PARD3B: variants seen among roughly 807,000 people sequenced by gnomAD.
PARD3B encodes the protein partitioning defective 3 homolog B.
A neutral mutation model predicts 130.2 loss-of-function variants in PARD3B; 103 were observed. The ratio of observed to expected loss-of-function variants is 0.79; its 90% confidence interval spans 0.67 to 0.93. The LOEUF is 0.93. PARD3B is among the 40% of genes least tolerant of loss of function. The probability of loss-of-function intolerance (pLI) is 0.00; values close to 1 mark genes in which losing one functional copy is unlikely to be tolerated. For missense variants in PARD3B, 1,609 were observed against 1,499.2 expected, an observed-to-expected ratio of 1.07 and a Z score of -1.21; for synonymous variants, 583 against 553.2, an observed-to-expected ratio of 1.05 and a Z score of -0.76.
intron 13 of PARD3B, among the ~76,000 whole-genome samples, chr2:205,177,377 T>C (rs2035532212): frequency 6.6e-6 from 1 of 152,178 alleles, no homozygotes; most frequent in African/African-American, 2.4e-5. Flanking sequence ...TTAATGAAAA[T>C]ATTTTATACA....
rs2031055996 is a variant in PARD3B at position 205,123,807 on chromosome 2, CTGAG to C, written c.1166-516_1166-513del. On this transcript the variant is annotated intron_variant, in intron 8 of 22. Coordinates refer to ENST00000406610, the MANE Select transcript of PARD3B (RefSeq NM_001302769.2). ...AGAGAAATCTGAGCATACCTTTAGA[CTGAG>C]TGAAAAATACATGAGAAGGGAGAAA... Among the ~76,000 whole-genome samples the C allele has an allele frequency of 2.0e-5, 3 of 152,020 alleles. No individual in the cohort carries two copies. The South Asian group carries it at 6.2e-4, about 32-fold the overall frequency.
At chr2:204,701,772 A>G (rs187983900) in intron 2 of PARD3B, among the ~76,000 whole-genome samples, 9 of 152,096 alleles carry the variant, frequency 5.9e-5, no homozygotes, top group Admixed American at 3.3e-4. Context: ...TTCAGGGGGT[A>G]CATGTACGGG....
chr2:204,604,261 T>C (rs933010377), intron 1 of PARD3B, among the ~76,000 whole-genome samples: 2 of 152,150 alleles, frequency 1.3e-5, no homozygotes, highest in African/African-American at 4.8e-5. Flanking sequence ...CCATGCTTTG[T>C]TAGAGAAGGA....
chr2:204,772,386 GA>G (rs2041423454), intron 2 of PARD3B, among the ~76,000 whole-genome samples: 2 of 151,956 alleles, frequency 1.3e-5, no homozygotes, highest in Non-Finnish European at 2.9e-5. Context: ...TCAGAGTTTG[GA>G]AAAAAGTCTA....
chr2:205,294,362 C>T (rs1478270609), intron 16 of PARD3B, among the ~76,000 whole-genome samples: 3 of 151,946 alleles, frequency 2.0e-5, no homozygotes, highest in Non-Finnish European at 4.4e-5. Context: ...ACAAAAATGT[C>T]AGAATATTTT....
At chr2:204,852,655 G>A (rs1200522647) in intron 2 of PARD3B, among the ~76,000 whole-genome samples, 1 of 150,866 alleles carries the variant, frequency 6.6e-6, no homozygotes. Flanking sequence ...CAGTCTTAAT[G>A]TGCTTGAGAC....
intron 15 of PARD3B, among the ~76,000 whole-genome samples, chr2:205,202,191 A>G (rs897176013): frequency 2.0e-5 from 3 of 152,212 alleles, no homozygotes; most frequent in Non-Finnish European, 4.4e-5. Flanking sequence ...TATTAGTAGT[A>G]GTAACTGAAA....
At chr2:204,979,593 T>C (rs753467007) in intron 3 of PARD3B, among the ~76,000 whole-genome samples, 24 of 152,298 alleles carry the variant, frequency 1.6e-4, no homozygotes, top group Non-Finnish European at 3.4e-4. Context: ...CAGTGTAGAA[T>C]TGACAAGACA....
intron 1 of PARD3B, among the ~76,000 whole-genome samples, chr2:204,647,411 A>T (rs1449242181): frequency 1.3e-5 from 2 of 151,376 alleles, no homozygotes; most frequent in African/African-American, 4.8e-5. Context: ...TATGATTGGA[A>T]GTTTAGTCTA....
chr2:204,813,901 A>G (rs910425558), intron 2 of PARD3B, among the ~76,000 whole-genome samples: 1 of 152,140 alleles, frequency 6.6e-6, no homozygotes, highest in Non-Finnish European at 1.5e-5. Context: ...AAATGAAGTC[A>G]TATTGGCCCT....
At position 205,301,866 on chromosome 2, in the gene PARD3B, C is replaced by T; in HGVS notation, c.2630+165C>T. 8.9e-7 allele frequency: 1 copy of T among 1,117,338 alleles called. No homozygotes were observed. The allele number at this position is 1,117,338 out of a possible 1,614,324, so 69.2% of individuals were successfully genotyped here. ...TTCTCTTTCTGCAGAGGCAGAGGAG[C>T]TTTTTGGGGAAAGTTACAGTGATGA... is the stretch of plus-strand genomic sequence containing the variant. On this transcript the variant is annotated intron_variant, in intron 18 of 22. Transcript: ENST00000406610. This position sits in a 1 kb window ranked among gnomAD's most constrained non-coding sequence, Gnocchi z 5.2.
intron 2 of PARD3B, among the ~76,000 whole-genome samples, chr2:204,777,120 A>G (rs1559136715): frequency 6.6e-6 from 1 of 152,244 alleles, no homozygotes; most frequent in African/African-American, 2.4e-5. Context: ...AAGTCTAAGA[A>G]TTAAAGTCCA....
chr2:204,910,787 G>A (rs1468330265), intron 2 of PARD3B, among the ~76,000 whole-genome samples: 3 of 152,022 alleles, frequency 2.0e-5, no homozygotes, highest in African/African-American at 7.2e-5. Flanking sequence ...GACTACAGGC[G>A]TGCACCACTA....
chr2:205,040,112 T>C (rs1216804368), intron 3 of PARD3B, among the ~76,000 whole-genome samples: 1 of 151,990 alleles, frequency 6.6e-6, no homozygotes, highest in Non-Finnish European at 1.5e-5. Context: ...TACGAGTGCA[T>C]GCCACCATGC....
At chr2:205,329,255 T>G (rs2043032071) in intron 18 of PARD3B, among the ~76,000 whole-genome samples, 1 of 152,180 alleles carries the variant, frequency 6.6e-6, no homozygotes, top group Non-Finnish European at 1.5e-5. Context: ...GAGCAAAGAC[T>G]ACAATTTAAA....
intron 3 of PARD3B, among the ~76,000 whole-genome samples, chr2:205,013,351 T>C (rs1047116174): frequency 2.6e-5 from 4 of 152,174 alleles, no homozygotes; most frequent in African/African-American, 7.2e-5. Flanking sequence ...TTTTAGATGT[T>C]TAAAATTGTT....
chr2:205,117,170 T>A (rs2029905294), intron 6 of PARD3B, among the ~76,000 whole-genome samples: 1 of 152,188 alleles, frequency 6.6e-6, no homozygotes, highest in South Asian at 2.1e-4. Context: ...GCTGTTTAAT[T>A]TAGGGAAAAA....
chr2:205,089,347 T>C (rs1333587356), intron 4 of PARD3B, among the ~76,000 whole-genome samples: 1 of 151,922 alleles, frequency 6.6e-6, no homozygotes, highest in Non-Finnish European at 1.5e-5. Flanking sequence ...ATTTTTGTAT[T>C]TTTAGTACAG....
intron 14 of PARD3B, among the ~76,000 whole-genome samples, chr2:205,188,852 T>G (rs1457186190): frequency 6.7e-6 from 1 of 149,646 alleles, no homozygotes; most frequent in Non-Finnish European, 1.5e-5. Flanking sequence ...ATGAGGCTAA[T>G]CTTGTAAAAG....
Sources: gnomAD v4.1 joint callset for allele counts (sites outside exome capture counted in the v4.1 genomes callset) on GRCh38, gnomAD v4.1.1 for gene constraint, Gnocchi (gnomAD v3.1) non-coding constraint, MANE v1.5 for transcripts, NCBI Gene and HGNC (gene_info 2026-07-23, HGNC 2026-07-21) for gene names.